Variants in ATPAF1 observed in about 807,000 individuals in gnomAD.
ATPAF1 encodes ATP synthase mitochondrial F1 complex assembly factor 1, also known as homolog of yeast ATP11.
In ATPAF1, 26 loss-of-function variants were observed where a neutral mutation model predicts 43.9. That is an observed-to-expected ratio of 0.59 (90% CI 0.43 to 0.82). The LOEUF (loss-of-function observed/expected upper bound fraction) is 0.82, where lower values mean the gene tolerates loss of function less well. ATPAF1 is among the 40% of genes least tolerant of loss of function. ATPAF1 has a pLI of 0.00. For missense variants in ATPAF1, 366 were observed against 435.0 expected, an observed-to-expected ratio of 0.84 and a Z score of 1.41; for synonymous variants, 157 against 168.0, an observed-to-expected ratio of 0.93 and a Z score of 0.50.
intron 6 of ATPAF1, among the ~76,000 whole-genome samples, chr1:46,647,611 T>C (rs1676068936): frequency 1.3e-5 from 2 of 152,224 alleles, no homozygotes; most frequent in African/African-American, 4.8e-5. Context: ...ATAAAGCTGC[T>C]TGAATATTTG....
At chr1:46,644,873 T>G (rs1676011164) in intron 7 of ATPAF1, among the ~76,000 whole-genome samples, 1 of 152,216 alleles carries the variant, frequency 6.6e-6, no homozygotes, top group South Asian at 2.1e-4. Flanking sequence ...AACTCAGGCA[T>G]GTTTGTTAAG....
chr1:46,656,495 C>CT (rs1676276166), intron 4 of ATPAF1, among the ~76,000 whole-genome samples: 1 of 152,092 alleles, frequency 6.6e-6, no homozygotes, highest in Admixed American at 6.6e-5. Flanking sequence ...TTTACCTTTT[C>CT]TTTTTTTGCA....
At chr1:46,643,336 G>A in intron 7 of ATPAF1, 35 bp from the exon 8 acceptor site, 1 of 1,516,714 alleles carries the variant, frequency 6.6e-7, no homozygotes. Context: ...GCTCAATAAG[G>A]TACCATCACA....
intron 8 of ATPAF1, 125 bp downstream of exon 8, chr1:46,643,069 T>C: frequency 1.3e-6 from 1 of 754,684 alleles, no homozygotes; most frequent in Non-Finnish European, 2.2e-6. Context: ...CTGTCAACTT[T>C]AAAATAAGTA....
intron 8 of ATPAF1, among the ~76,000 whole-genome samples, chr1:46,637,652 G>A (rs1308409105): frequency 1.3e-5 from 2 of 152,164 alleles, no homozygotes; most frequent in Non-Finnish European, 2.9e-5. Context: ...AACATGGGCT[G>A]TGCTCCATCT....
downstream of ATPAF1, chr1:46,633,515 T>C (rs1452987693): frequency 3.4e-5 from 12 of 348,522 alleles, no homozygotes; most frequent in Non-Finnish European, 6.5e-5. Context: ...TTCACTTAAC[T>C]CTAAAGCCTG....
At position 46,668,123 on chromosome 1, in the gene ATPAF1, GCCCCGA is replaced by G. The variant is rs1278408121; in HGVS notation, c.194_199del (p.Val65_Gly66del). 29 of 1,430,684 alleles carry G rather than the reference GCCCCGA, an allele frequency of 2.0e-5. No individual in the cohort carries two copies. The highest frequency in any genetic ancestry group is 2.5e-5 in the Non-Finnish European group (27 of 1,091,462). 88.6% of individuals were successfully genotyped at this position (1,430,684 alleles called of 1,614,324 possible). A position where few individuals can be genotyped will look rare whatever the true frequency, so the allele number is the denominator to read the frequency against. ...AGGGTTGGCCTGGAGCTCGGCCTCG[GCCCCGA>G]CCCCGCTGCTGTCGGCGCCCCCCTC... On this transcript the variant is annotated inframe_deletion, in exon 1 of 9. Coordinates refer to ENST00000574428, the Ensembl canonical transcript of ATPAF1. The surrounding 1 kb of genome is among the most constrained non-coding windows in gnomAD (Gnocchi z 4.4).
intron 6 of ATPAF1, among the ~76,000 whole-genome samples, chr1:46,647,709 G>A (rs924672918): frequency 3.3e-5 from 5 of 152,198 alleles, no homozygotes; most frequent in Non-Finnish European, 7.3e-5. Flanking sequence ...GCAGGTATAT[G>A]CTTAATTTTT....
upstream of ATPAF1, chr1:46,668,460 G>C (rs1159129190): frequency 6.9e-6 from 7 of 1,011,986 alleles, no homozygotes; most frequent in Non-Finnish European, 8.4e-6. This position sits in a 1 kb window ranked among gnomAD's most constrained non-coding sequence, Gnocchi z 4.4. Flanking sequence ...CCGGGCGCGG[G>C]ATAGCGGCGA....
chr1:46,661,234 G>A (rs1405070214), intron 2 of ATPAF1, among the ~76,000 whole-genome samples: 1 of 151,996 alleles, frequency 6.6e-6, no homozygotes, highest in African/African-American at 2.4e-5. Flanking sequence ...CACCATGCCT[G>A]GCTAATTTTT....
chr1:46,635,913 G>C lies in ATPAF1; in HGVS notation c.850C>G (p.Arg284Gly), dbSNP rs764858688. Residue 284 changes from arginine to glycine, a missense_variant, in exon 9 of 9, where the codon CGG becomes GGG. By Grantham distance (125) the Arg-to-Gly change is moderately radical. This residue lies in a region of ATPAF1 where 180 missense variants were observed against 266.5 expected (regional missense o/e 0.68). Transcript: ENST00000574428. Reference sequence around the variant, plus strand: ...TCCACTAACCCGTAGGTCTCTTTCCGATCAGTAGCGTAGAAGAGCTGAACT... The same window carrying C: ...TCCACTAACCCGTAGGTCTCTTTCCCATCAGTAGCGTAGAAGAGCTGAACT... 1.9e-6 allele frequency: 3 copies of C among 1,614,216 alleles called. No individual in the cohort carries two copies. The South Asian group carries it at 3.3e-5, about 18-fold the overall frequency.
chr1:46,639,360 C>A (rs536291193), intron 8 of ATPAF1, among the ~76,000 whole-genome samples: 2 of 152,172 alleles, frequency 1.3e-5, no homozygotes, highest in Admixed American at 6.5e-5. Flanking sequence ...ATTAGGCTAA[C>A]TCCTGCTGTT....
At chr1:46,645,284 A>C in intron 6 of ATPAF1, 28 bp from the exon 7 acceptor site, 1 of 1,515,210 alleles carries the variant, frequency 6.6e-7, no homozygotes, top group African/African-American at 1.4e-5. Flanking sequence ...ACAAGGAGAC[A>C]GATGAATAAA....
At chr1:46,652,730 A>G in intron 5 of ATPAF1, 102 bp from the exon 6 acceptor site, 3 of 966,338 alleles carry the variant, frequency 3.1e-6, no homozygotes, top group Non-Finnish European at 4.8e-6. Flanking sequence ...TTATAATACA[A>G]CTAAAACAGT....
intron 2 of ATPAF1, among the ~76,000 whole-genome samples, chr1:46,661,035 AT>A (rs1676377023): frequency 6.6e-6 from 1 of 151,548 alleles, no homozygotes; most frequent in Non-Finnish European, 1.5e-5. Context: ...ACATTGTGGA[AT>A]CATAGGTCAC....
chr1:46,653,991 G>C lies in ATPAF1; in HGVS notation c.490-124C>G. 1 of 768,108 alleles carries C rather than the reference G, an allele frequency of 1.3e-6. No homozygotes were observed. 47.6% of individuals were successfully genotyped at this position (768,108 alleles called of 1,614,324 possible). Reference sequence around the variant, plus strand: ...TTTGATAACAGAGAGGAAAAACCCAGTATAACGCTTTCATTACTAGCACAT... The same window carrying C: ...TTTGATAACAGAGAGGAAAAACCCACTATAACGCTTTCATTACTAGCACAT... On this transcript the variant is annotated intron_variant, in intron 4 of 8. Coordinates refer to ENST00000574428, the Ensembl canonical transcript of ATPAF1. This position sits in a 1 kb window ranked among gnomAD's most constrained non-coding sequence, Gnocchi z 4.8.
exon 2 of ATPAF1, chr1:46,665,262 T>G (rs769319940): frequency 1.2e-6 from 2 of 1,614,184 alleles, no homozygotes; most frequent in Non-Finnish European, 1.7e-6. Flanking sequence ...TTACCTTCTG[T>G]TCCACACATT....
chr1:46,633,542 C>T (rs781198647), downstream of ATPAF1: 17 of 370,358 alleles, frequency 4.6e-5, no homozygotes, highest in Admixed American at 2.0e-4. Context: ...TTCTATAACA[C>T]CATGCTAGCA....
chr1:46,657,075 CACTG>C (rs1396888807), intron 4 of ATPAF1, among the ~76,000 whole-genome samples: 4 of 152,162 alleles, frequency 2.6e-5, no homozygotes, highest in Non-Finnish European at 5.9e-5. Context: ...CCAGCTCTAC[CACTG>C]ACTAAGTTAC....
Sources: gnomAD v4.1 joint callset for allele counts (sites outside exome capture counted in the v4.1 genomes callset) on GRCh38, gnomAD v4.1.1 for gene constraint, gnomAD v4.1.1 regional missense constraint, Gnocchi (gnomAD v3.1) non-coding constraint, MANE v1.5 for transcripts, NCBI Gene and HGNC (gene_info 2026-07-23, HGNC 2026-07-21) for gene names.